Variants in ABCG1 observed in about 807,000 individuals in gnomAD.
ABCG1 encodes the protein ATP binding cassette subfamily G member 1, also known as ATP-binding cassette sub-family G member 1.
A neutral mutation model predicts 69.2 loss-of-function variants in ABCG1; 29 were observed. That is an observed-to-expected ratio of 0.42 (90% CI 0.31 to 0.57). ABCG1 has a LOEUF of 0.57. Ranked by LOEUF, ABCG1 falls within the 20% of genes least tolerant of loss-of-function variation. The probability of loss-of-function intolerance (pLI) is 0.15; values close to 1 mark genes in which losing one functional copy is unlikely to be tolerated. For missense variants in ABCG1, 718 were observed against 898.1 expected (o/e 0.80, Z 2.56); for synonymous variants, 370 against 374.8 (o/e 0.99, Z 0.15).
At chr21:42,222,484 C>T (rs2067744530) in intron 1 of ABCG1, among the ~76,000 whole-genome samples, 1 of 152,188 alleles carries the variant, frequency 6.6e-6, no homozygotes, top group Non-Finnish European at 1.5e-5. Context: ...TGCCGAAACA[C>T]CCACAACTCA....
At chr21:42,281,890 A>G (rs1403182727) in intron 5 of ABCG1, among the ~76,000 whole-genome samples, 1 of 152,220 alleles carries the variant, frequency 6.6e-6, no homozygotes, top group Non-Finnish European at 1.5e-5. Context: ...TCCATTCATC[A>G]AGTATTGACT....
At position 42,296,234 on chromosome 21, in the gene ABCG1, G is replaced by C. The variant is rs2069207423; in HGVS notation, c.1843G>C (p.Glu615Gln). The change falls in exon 15 of 15, where the codon GAG becomes CAG. Residue 615 changes from glutamate (E) to glutamine (Q), a missense_variant. Glu to Gln is a conservative substitution (Grantham distance 29, BLOSUM62 2). Coordinates refer to ENST00000398449, the MANE Select transcript of ABCG1 (RefSeq NM_016818.3). The surrounding 1 kb of genome is among the most constrained non-coding windows in gnomAD (Gnocchi z 5.4). Reference protein sequence around the residue: ...DREDLHCDIDETCHFQKSEAI... With the variant: ...DREDLHCDIDQTCHFQKSEAI... ...GGAAGATCTGCACTGTGACATCGAC[G>C]AGACGTGCCACTTCCAGAAGTCGGA... The C allele has an allele frequency of 6.2e-7, 1 of 1,614,144 alleles. No homozygotes were observed.
At chr21:42,279,049 G>T (rs2068759188) in intron 5 of ABCG1, among the ~76,000 whole-genome samples, 1 of 152,076 alleles carries the variant, frequency 6.6e-6, no homozygotes, top group Non-Finnish European at 1.5e-5. Context: ...GCCTTTCAGG[G>T]CCCTCCTTCC....
Position 42,284,688 on chromosome 21 carries a change from G to A in ABCG1, c.858+5G>A, listed in dbSNP as rs375376658. 2.7e-5 allele frequency: 43 copies of A among 1,611,972 alleles called. No individual in the cohort carries two copies. Among genetic ancestry groups the A allele is most frequent in the Admixed American group, 1.2e-4 (7 of 59,998 alleles). On this transcript the variant is annotated splice_donor_5th_base_variant and intron_variant, in intron 7 of 14. Coordinates refer to ENST00000398449, the MANE Select transcript of ABCG1 (RefSeq NM_016818.3). ...CTCTTCGAGCTGTTCGACCAGGTAC[G>A]CGGGCCCCGGGCCCTCCCCGCCAGA...
chr21:42,244,042 A>G (rs148728709), intron 2 of ABCG1, among the ~76,000 whole-genome samples: 87 of 151,856 alleles, frequency 5.7e-4, no homozygotes, highest in African/African-American at 2.1e-3. Flanking sequence ...GATGGTCTCA[A>G]TCTCCTGACC....
In ABCG1 at chr21:42,276,527, T is replaced by A. The variant is rs2086839963; in HGVS notation, c.538-368T>A. ...TCGCACATGGACTGCTCTCCTGCCA[T>A]CCTACCATTGTTAAAGCAGGGGCAT... is the stretch of plus-strand genomic sequence containing the variant. On this transcript the variant is annotated intron_variant, in intron 4 of 14. Transcript: ENST00000398449. This position sits in a 1 kb window ranked among gnomAD's most constrained non-coding sequence, Gnocchi z 5.3. 7.9e-6 allele frequency: 2 copies of A among 253,686 alleles called. No homozygotes were observed. Among genetic ancestry groups the A allele is most frequent in the African/African-American group, 4.4e-5 (2 of 45,172 alleles). The allele number at this position is 253,686 out of a possible 1,614,324, so 15.7% of individuals were successfully genotyped here. A position where few individuals can be genotyped will look rare whatever the true frequency, so the allele number is the denominator to read the frequency against.
chr21:42,268,093 T>C (rs1423617394), intron 2 of ABCG1, among the ~76,000 whole-genome samples: 3 of 152,196 alleles, frequency 2.0e-5, no homozygotes, highest in African/African-American at 4.8e-5. Context: ...TGGGCCTGGC[T>C]CTGGCAGTCT....
intron 2 of ABCG1, among the ~76,000 whole-genome samples, chr21:42,211,034 ACTGCAACCTCCTCCTCCCAGGTT>A (rs1056162592): frequency 4.8e-5 from 7 of 145,726 alleles, no homozygotes; most frequent in African/African-American, 1.5e-4. Context: ...ATCTCAGCTC[ACTGCAACCTCCTCCTCCCAGGTT>A]CATGCCATTC....
chr21:42,278,034 G>A (rs184989198), intron 5 of ABCG1, among the ~76,000 whole-genome samples: 2 of 152,338 alleles, frequency 1.3e-5, no homozygotes, highest in East Asian at 3.9e-4. Flanking sequence ...CCCGGTGCAG[G>A]TGGAAAGAGC....
chr21:42,225,797 G>T lies in ABCG1; in HGVS notation c.169G>T (p.Asp57Tyr). Residue 57 changes from aspartate to tyrosine, a missense_variant, in exon 2 of 15, where the codon GAT (aspartate) becomes TAT (tyrosine). Asp to Tyr is a radical substitution (Grantham distance 160). Around this residue, in one of 2 missense-constraint regions of ABCG1, gnomAD observed 514 missense variants for 574.3 expected, o/e 0.90. Coordinates refer to ENST00000398449, the MANE Select transcript of ABCG1 (RefSeq NM_016818.3). ...DLLNGHLKKV[D>Y]NNLTEAQRFS... is the part of the protein sequence containing the mutation. ...GCTGAATGGACATCTGAAAAAAGTA[G>T]ATAATAACCTCACGGAAGCCCAGCG... is the stretch of plus-strand genomic sequence containing the variant. 6.2e-7 allele frequency: 1 copy of T among 1,614,054 alleles called. No individual in the cohort carries two copies. Among genetic ancestry groups the T allele is most frequent in the Non-Finnish European group, 8.5e-7 (1 of 1,180,016 alleles).
chr21:42,264,742 G>T (rs2068473482), intron 2 of ABCG1, among the ~76,000 whole-genome samples: 1 of 151,952 alleles, frequency 6.6e-6, no homozygotes. Flanking sequence ...GGAAGGAGGT[G>T]GGGGAGAGAT....
intron 2 of ABCG1, among the ~76,000 whole-genome samples, chr21:42,248,410 A>T (rs73905595): frequency 8.4e-4 from 128 of 152,280 alleles, no homozygotes; most frequent in African/African-American, 3.0e-3. Context: ...GAAGACTGTG[A>T]GGCACCACCC....
chr21:42,201,467 G>C, intron 1 of ABCG1: 1 of 639,892 alleles, frequency 1.6e-6, no homozygotes, highest in Non-Finnish European at 2.6e-6. Context: ...ACGGGCCACG[G>C]ACTGGTCTGC....
intron 2 of ABCG1, among the ~76,000 whole-genome samples, chr21:42,237,453 C>A (rs1274022347): frequency 6.6e-6 from 1 of 152,208 alleles, no homozygotes; most frequent in Non-Finnish European, 1.5e-5. Context: ...ACCCTGTGGC[C>A]AGGAGAGTCT....
rs770532943 is a variant in ABCG1 at position 42,219,256 on chromosome 21, C to T, written c.-7C>T. On this transcript the variant is annotated 5_prime_UTR_variant, in exon 1 of 15. Transcript: ENST00000398449. The surrounding 1 kb of genome is among the most constrained non-coding windows in gnomAD (Gnocchi z 5.3). ...GCCGCCGCCGCCGCCGCCGCCGCCC[C>T]CGGGGCATGGCCTGTCTGATGGCCG... The T allele has an allele frequency of 1.3e-6, 2 of 1,555,392 alleles. No individual in the cohort carries two copies. Among genetic ancestry groups the T allele is most frequent in the East Asian group, 2.5e-5 (1 of 39,614 alleles).
At chr21:42,234,602 C>T (rs751149691) in intron 2 of ABCG1, among the ~76,000 whole-genome samples, 3 of 152,218 alleles carry the variant, frequency 2.0e-5, no homozygotes, top group African/African-American at 2.4e-5. Context: ...CATCCTGGCC[C>T]GTGGTGATGT....
chr21:42,248,810 G>A (rs138782889), intron 2 of ABCG1, among the ~76,000 whole-genome samples: 1 of 151,728 alleles, frequency 6.6e-6, no homozygotes, highest in South Asian at 2.1e-4. Flanking sequence ...GGGGGGCTGA[G>A]GGAGGACTTT....
In ABCG1 at chr21:42,271,121, T is replaced by C; in HGVS notation, c.338T>C (p.Leu113Ser). 1 of 1,584,526 alleles carries C rather than the reference T, an allele frequency of 6.3e-7. No individual in the cohort carries two copies. Residue 113 changes from leucine (L) to serine (S), a missense_variant, in exon 3 of 15, where the codon TTG becomes TCG. Coordinates refer to ENST00000398449, the MANE Select transcript of ABCG1 (RefSeq NM_016818.3). Reference sequence around the variant, plus strand: ...TCCGGGAAGTTCAATAGTGGTGAGTTGGTGGCCATTATGGGTCCTTCCGGG... The same window carrying C: ...TCCGGGAAGTTCAATAGTGGTGAGTCGGTGGCCATTATGGGTCCTTCCGGG... ...GISGKFNSGE[L>S]VAIMGPSGAG...
chr21:42,257,430 TACAA>T (rs2068324338), intron 2 of ABCG1, among the ~76,000 whole-genome samples: 1 of 152,254 alleles, frequency 6.6e-6, no homozygotes, highest in African/African-American at 2.4e-5. Context: ...GACTGGTGAC[TACAA>T]ACAGTGTTAG....
Sources: allele counts gnomAD v4.1 joint callset (sites outside exome capture counted in the v4.1 genomes callset), GRCh38; gene constraint gnomAD v4.1.1; regional missense constraint gnomAD v4.1.1; non-coding constraint Gnocchi (gnomAD v3.1); transcripts MANE v1.5; gene names NCBI Gene and HGNC (gene_info 2026-07-23, HGNC 2026-07-21).